ZNF622: variants seen among roughly 807,000 people sequenced by gnomAD.
ZNF622 encodes zinc finger protein 622, also known as cytoplasmic 60S subunit biogenesis factor ZNF622.
Under a neutral mutation model 49.7 loss-of-function variants are expected in ZNF622, and 34 were observed. That is an observed-to-expected ratio of 0.68 (90% CI 0.52 to 0.91). The LOEUF is 0.91. Among genes scored for constraint, ZNF622 ranks in the 40% least tolerant of loss-of-function variants. The pLI is 0.00. For missense variants in ZNF622, 569 were observed against 616.4 expected (o/e 0.92, Z 0.81); for synonymous variants, 209 against 228.7 (o/e 0.91, Z 0.78).
intron 3 of ZNF622, among the ~76,000 whole-genome samples, chr5:16,462,324 AGTACTT>A: frequency 6.6e-6 from 1 of 152,186 alleles, no homozygotes; most frequent in African/African-American, 2.4e-5. Context: ...GTTGTTCACA[AGTACTT>A]AACATACATT....
At position 16,463,096 on chromosome 5, in the gene ZNF622, A is replaced by C; in HGVS notation, c.1049+12T>G. On this transcript the variant is annotated intron_variant, in intron 3 of 5. Coordinates refer to ENST00000308683, the MANE Select transcript of ZNF622 (RefSeq NM_033414.3). The surrounding 1 kb of genome is among the most constrained non-coding windows in gnomAD (Gnocchi z 4.2). ...TGACCTCACTTTACTTCATATTACA[A>C]ACTATGCTTACCTAAAATCATAGAA... is the stretch of plus-strand genomic sequence containing the variant. 1 of 1,596,608 alleles carries C rather than the reference A, an allele frequency of 6.3e-7. No homozygotes were observed. Among genetic ancestry groups the C allele is most frequent in the Non-Finnish European group, 8.5e-7 (1 of 1,175,434 alleles).
chr5:16,462,853 G>A (rs748658167), intron 3 of ZNF622, among the ~76,000 whole-genome samples: 1 of 152,108 alleles, frequency 6.6e-6, no homozygotes, highest in African/African-American at 2.4e-5. Flanking sequence ...CTGAACTCTT[G>A]ATGTTTTAAC....
chr5:16,457,150 G>T (rs1431597391), intron 4 of ZNF622, among the ~76,000 whole-genome samples: 1 of 152,126 alleles, frequency 6.6e-6, no homozygotes, highest in Non-Finnish European at 1.5e-5. Flanking sequence ...GAATAGATAT[G>T]CTCACGTTAT....
chr5:16,463,160 G>C lies in ZNF622; in HGVS notation c.997C>G (p.Leu333Val), dbSNP rs1738149037. Residue 333 changes from leucine to valine, a missense_variant, in exon 3 of 6, where the codon CTC becomes GTC. By Grantham distance (32) the Leu-to-Val change is conservative. Coordinates refer to ENST00000308683, the MANE Select transcript of ZNF622 (RefSeq NM_033414.3). The surrounding 1 kb of genome is among the most constrained non-coding windows in gnomAD (Gnocchi z 4.2). ...AHMNDKSHCK[L>V]FTDGDAALEF... ...AAAGCAGCATCGCCATCTGTGAAGA[G>C]CTTACAGTGGCTTTTGTCATTCATA... 1 of 1,613,794 alleles carries C rather than the reference G, an allele frequency of 6.2e-7. No individual in the cohort carries two copies. The highest frequency in any genetic ancestry group is 8.5e-7 in the Non-Finnish European group (1 of 1,179,968).
At position 16,453,559 on chromosome 5, in the gene ZNF622, T is replaced by TTATATATATA. The variant is rs58965299; in HGVS notation, c.1163-413_1163-404dup. Among the ~76,000 whole-genome samples the TTATATATATA allele has an allele frequency of 7.1e-4, 48 of 67,144 alleles. 4 individuals are homozygous for TTATATATATA. The highest frequency in any genetic ancestry group is 1.2e-3 in the East Asian group (2 of 1,728). 44.0% of individuals were successfully genotyped at this position (67,144 alleles called of 152,430 possible). On this transcript the variant is annotated intron_variant, in intron 4 of 5. Transcript: ENST00000308683. ...TTTTATATATATAAATAAATAAAAA[T>TTATATATATA]TATATATATATATATATATATATAT...
At chr5:16,464,981 T>G (rs1738188930) in intron 1 of ZNF622, 60 bp downstream of exon 1, 2 of 1,520,318 alleles carry the variant, frequency 1.3e-6, no homozygotes, top group Non-Finnish European at 1.8e-6. Context: ...AGTATAAATC[T>G]GGAAACTTAA....
intron 3 of ZNF622, among the ~76,000 whole-genome samples, chr5:16,459,977 G>A (rs1738097924): frequency 6.6e-6 from 1 of 152,136 alleles, no homozygotes; most frequent in South Asian, 2.1e-4. Context: ...TCACTACACT[G>A]AATCATGATA....
intron 4 of ZNF622, among the ~76,000 whole-genome samples, chr5:16,455,536 C>T (rs1408254435): frequency 6.6e-6 from 1 of 152,136 alleles, no homozygotes; most frequent in Non-Finnish European, 1.5e-5. Context: ...GTTTTGACAG[C>T]ATAAGAGTTA....
At chr5:16,460,094 A>G (rs1738099992) in intron 3 of ZNF622, among the ~76,000 whole-genome samples, 1 of 152,224 alleles carries the variant, frequency 6.6e-6, no homozygotes, top group South Asian at 2.1e-4. Flanking sequence ...ATGGTATAAC[A>G]TTTGCATATA....
At chr5:16,457,587 C>T (rs1738046550) in intron 4 of ZNF622, among the ~76,000 whole-genome samples, 1 of 152,196 alleles carries the variant, frequency 6.6e-6, no homozygotes, top group Admixed American at 6.5e-5. Context: ...ACAGGGTTAT[C>T]ATTCTGAGCT....
At position 16,461,771 on chromosome 5, in the gene ZNF622, G is replaced by A. The variant is rs1361308309; in HGVS notation, c.1049+1337C>T. Among the ~76,000 whole-genome samples the A allele has an allele frequency of 2.0e-5, 3 of 152,182 alleles. No individual in the cohort carries two copies. The South Asian group carries it at 6.2e-4, about 32-fold the overall frequency. ...CACAAGTAGAAATATCAAGGAGGCA[G>A]CTGGATATCTTCAGTTTACAGCTGA... is the stretch of plus-strand genomic sequence containing the variant. On this transcript the variant is annotated intron_variant, in intron 3 of 5. Transcript: ENST00000308683.
At chr5:16,453,178 C>A in intron 4 of ZNF622, 22 bp from the exon 5 acceptor site, 1 of 1,461,226 alleles carries the variant, frequency 6.8e-7, no homozygotes, top group South Asian at 1.5e-5. Flanking sequence ...AAGAGCAATA[C>A]TGAAACACTG....
intron 3 of ZNF622, 42 bp from the exon 4 acceptor site, chr5:16,458,671 A>C: frequency 1.2e-5 from 17 of 1,381,046 alleles, no homozygotes; most frequent in Non-Finnish European, 1.7e-5. Context: ...CTAATATCTC[A>C]AATTGAACTA....
intron 3 of ZNF622, among the ~76,000 whole-genome samples, chr5:16,462,703 A>G (rs1158365222): frequency 1.3e-5 from 2 of 152,176 alleles, no homozygotes; most frequent in Non-Finnish European, 2.9e-5. Flanking sequence ...GGGTAATCTC[A>G]CCATCAGATG....
rs181917882 is a variant in ZNF622 at position 16,457,694 on chromosome 5, G to T, written c.1162+823C>A. ...GACCTCTCCACCAGCAGGGTGTGTT[G>T]TTCCTGCCTGCACCGTTACTGCAAA... is the stretch of plus-strand genomic sequence containing the variant. On this transcript the variant is annotated intron_variant, in intron 4 of 5. Transcript: ENST00000308683. Among the ~76,000 whole-genome samples, 25 of 152,270 alleles carry T rather than the reference G, an allele frequency of 1.6e-4. No homozygotes were observed. In the East Asian group the frequency reaches 3.3e-3, roughly 20 times the overall value.
intron 5 of ZNF622, 115 bp from the exon 6 acceptor site, chr5:16,451,899 T>C: frequency 1.5e-6 from 2 of 1,345,200 alleles, no homozygotes; most frequent in Non-Finnish European, 2.0e-6. Flanking sequence ...GGTTCTTGTA[T>C]TTAAAACAGA....
chr5:16,452,208 C>A (rs1018464826), intron 5 of ZNF622, among the ~76,000 whole-genome samples: 2 of 152,146 alleles, frequency 1.3e-5, no homozygotes, highest in East Asian at 1.9e-4. Context: ...AAACACAGTG[C>A]CTTTTCAAAT....
chr5:16,465,255 C>G lies in ZNF622; in HGVS notation c.411G>C (p.Lys137Asn), dbSNP rs1408488049. 6.2e-7 allele frequency: 1 copy of G among 1,614,236 alleles called. No individual in the cohort carries two copies. Among genetic ancestry groups the G allele is most frequent in the South Asian group, 1.1e-5 (1 of 91,088 alleles). ...AMNAAIQQAI[K>N]AQPSMSPKKA... ...TCTTGGGAGACATGGACGGCTGGGC[C>G]TTGATGGCCTGCTGGATGGCCGCGT... Residue 137 changes from lysine (K) to asparagine (N), a missense_variant, in exon 1 of 6, where the codon AAG becomes AAC. Coordinates refer to ENST00000308683, the MANE Select transcript of ZNF622 (RefSeq NM_033414.3). The surrounding 1 kb of genome is among the most constrained non-coding windows in gnomAD (Gnocchi z 6.2).
rs1037274301 is a variant in ZNF622, at chr5:16,453,281, A to G, written c.1163-125T>C. On this transcript the variant is annotated intron_variant, in intron 4 of 5. Coordinates refer to ENST00000308683, the MANE Select transcript of ZNF622 (RefSeq NM_033414.3). ...CTAGATGGAAAATCGATGTACCAGA[A>G]GAAACAGTTGTTCTATCTACTAAAG... 16 of 1,000,200 alleles carry G rather than the reference A, an allele frequency of 1.6e-5. 1 individual carries two copies. The African/African-American group carries it at 2.6e-4, about 17-fold the overall frequency. 62.0% of individuals were successfully genotyped at this position (1,000,200 alleles called of 1,614,324 possible). A position where few individuals can be genotyped will look rare whatever the true frequency, so the allele number is the denominator to read the frequency against.
Sources: allele counts gnomAD v4.1 joint callset (sites outside exome capture counted in the v4.1 genomes callset), GRCh38; gene constraint gnomAD v4.1.1; non-coding constraint Gnocchi (gnomAD v3.1); transcripts MANE v1.5; gene names NCBI Gene and HGNC (gene_info 2026-07-23, HGNC 2026-07-21).